Variants in CNTN5 observed in about 807,000 individuals in gnomAD.
CNTN5 encodes contactin-5.
CNTN5 carries 77 observed loss-of-function variants against 129.1 expected under a neutral mutation model. That is an observed-to-expected ratio of 0.60 (90% CI 0.50 to 0.72). The LOEUF is 0.72. Among genes scored for constraint, CNTN5 ranks in the 30% least tolerant of loss-of-function variants. CNTN5 has a pLI of 0.00. For synonymous variants in CNTN5, 509 were observed against 465.6 expected (o/e 1.09, Z -1.20); for missense variants, 1,478 against 1,328.8 (o/e 1.11, Z -1.75).
chr11:99,818,339 T>TA (rs998269608), intron 3 of CNTN5, among the ~76,000 whole-genome samples: 1 of 152,020 alleles, frequency 6.6e-6, no homozygotes, highest in African/African-American at 2.4e-5. Flanking sequence ...CACTACAGCC[T>TA]AAACCTCCCA....
intron 2 of CNTN5, among the ~76,000 whole-genome samples, chr11:99,542,674 C>A (rs555201187): frequency 2.4e-4 from 37 of 152,294 alleles, no homozygotes; most frequent in African/African-American, 7.7e-4. Flanking sequence ...AGGGCAAAAT[C>A]ACCTCTGGTG....
At chr11:100,117,059 A>G (rs2138144728) in intron 13 of CNTN5, among the ~76,000 whole-genome samples, 1 of 152,118 alleles carries the variant, frequency 6.6e-6, no homozygotes, top group Middle Eastern at 3.4e-3. Context: ...TTAGACTTGT[A>G]TTCAGTTAAA....
intron 3 of CNTN5, among the ~76,000 whole-genome samples, chr11:99,573,716 G>A (rs975421200): frequency 2.0e-5 from 3 of 152,058 alleles, no homozygotes; most frequent in Admixed American, 6.5e-5. Context: ...TGCAACCTCT[G>A]CCTCCTGGGT....
At chr11:99,108,022 G>A (rs1227703434) in intron 1 of CNTN5, among the ~76,000 whole-genome samples, 1 of 151,192 alleles carries the variant, frequency 6.6e-6, no homozygotes, top group African/African-American at 2.4e-5. Context: ...TAGCAGAACT[G>A]GACTATGAAT....
At chr11:99,276,949 G>T (rs1337360580) in intron 1 of CNTN5, among the ~76,000 whole-genome samples, 1 of 151,368 alleles carries the variant, frequency 6.6e-6, no homozygotes, top group Admixed American at 6.6e-5. Flanking sequence ...GAGTCAAAAG[G>T]CTGCAATTAT....
At chr11:99,128,057 T>C (rs1411108336) in intron 1 of CNTN5, among the ~76,000 whole-genome samples, 1 of 152,212 alleles carries the variant, frequency 6.6e-6, no homozygotes, top group African/African-American at 2.4e-5. Flanking sequence ...TCAACCTCAT[T>C]CCAATAACAT....
chr11:99,607,318 C>T (rs1408744241), intron 3 of CNTN5, among the ~76,000 whole-genome samples: 5,396 of 134,966 alleles, frequency 0.04, 134 homozygotes, highest in South Asian at 0.085. Context: ...CAAAAGAAGA[C>T]ATTTATGCAG....
chr11:99,745,479 C>G (rs940210199), intron 3 of CNTN5, among the ~76,000 whole-genome samples: 1 of 151,780 alleles, frequency 6.6e-6, no homozygotes, highest in Non-Finnish European at 1.5e-5. Context: ...CTACCATGCT[C>G]AGCTAATGAG....
chr11:99,624,304 C>T (rs1443060883), intron 3 of CNTN5, among the ~76,000 whole-genome samples: 5 of 151,962 alleles, frequency 3.3e-5, no homozygotes, highest in Admixed American at 2.0e-4. Flanking sequence ...AATAAAAGTA[C>T]GGCCTGTATT....
intron 2 of CNTN5, among the ~76,000 whole-genome samples, chr11:99,334,636 C>A (rs1276361305): frequency 6.6e-6 from 1 of 152,048 alleles, no homozygotes; most frequent in African/African-American, 2.4e-5. Context: ...TAGCTACTAG[C>A]CACATGTGGC....
intron 1 of CNTN5, among the ~76,000 whole-genome samples, chr11:99,038,177 A>G (rs1387397016): frequency 6.6e-6 from 1 of 152,164 alleles, no homozygotes; most frequent in Non-Finnish European, 1.5e-5. Context: ...CCTTGACCTA[A>G]TAACATCAAT....
chr11:100,185,462 A>C (rs528840829), intron 13 of CNTN5, among the ~76,000 whole-genome samples: 1 of 152,234 alleles, frequency 6.6e-6, no homozygotes, highest in African/African-American at 2.4e-5. Flanking sequence ...ATGGGGCAGC[A>C]GAAGTGATAA....
intron 1 of CNTN5, among the ~76,000 whole-genome samples, chr11:99,110,203 G>T (rs1377690479): frequency 6.6e-6 from 1 of 152,044 alleles, no homozygotes; most frequent in Non-Finnish European, 1.5e-5. Flanking sequence ...CAAGGAGAAA[G>T]AAGGAATACT....
At chr11:99,348,879 A>G (rs1938093195) in intron 2 of CNTN5, among the ~76,000 whole-genome samples, 1 of 152,324 alleles carries the variant, frequency 6.6e-6, no homozygotes, top group East Asian at 1.9e-4. Context: ...CATGTGTTCA[A>G]TCATTGATAC....
chr11:99,627,427 T>G (rs631338), intron 3 of CNTN5, among the ~76,000 whole-genome samples: 92,923 of 151,864 alleles, frequency 0.61, 29,312 homozygotes, highest in Admixed American at 0.74. Flanking sequence ...ACATGATTAA[T>G]GTTACGAAAT....
chr11:99,166,893 G>A (rs112152704), intron 1 of CNTN5, among the ~76,000 whole-genome samples: 6 of 151,686 alleles, frequency 4.0e-5, no homozygotes, highest in East Asian at 1.9e-4. Flanking sequence ...AAATCCACAC[G>A]AAACAGCCTT....
intron 3 of CNTN5, among the ~76,000 whole-genome samples, chr11:99,673,825 T>A (rs1591459160): frequency 6.6e-6 from 1 of 152,124 alleles, no homozygotes. Flanking sequence ...TGTATATGCA[T>A]CACATTTTGA....
chr11:100,303,166 T>A (rs114014538), intron 20 of CNTN5, among the ~76,000 whole-genome samples: 1 of 151,538 alleles, frequency 6.6e-6, no homozygotes, highest in Non-Finnish European at 1.5e-5. Context: ...ACCCTGTACA[T>A]GTGTCAAATA....
chr11:99,598,031 A>G (rs1168976601), intron 3 of CNTN5, among the ~76,000 whole-genome samples: 1 of 152,098 alleles, frequency 6.6e-6, no homozygotes, highest in East Asian at 1.9e-4. Context: ...GGCATTTACC[A>G]CAATTCTGAG....
Sources: gnomAD v4.1 joint callset for allele counts (sites outside exome capture counted in the v4.1 genomes callset) on GRCh38, gnomAD v4.1.1 for gene constraint, MANE v1.5 for transcripts, NCBI Gene and HGNC (gene_info 2026-07-23, HGNC 2026-07-21) for gene names.